SYNE1: variants seen among roughly 807,000 people sequenced by gnomAD.
The protein encoded by SYNE1 is nesprin-1.
A neutral mutation model predicts 1,111.0 loss-of-function variants in SYNE1; 616 were observed. The ratio of observed to expected loss-of-function variants is 0.55; its 90% CI spans 0.52 to 0.59. The LOEUF (loss-of-function observed/expected upper bound fraction) is 0.59. Ranked by LOEUF, SYNE1 falls within the 20% of genes least tolerant of loss-of-function variation. The probability of loss-of-function intolerance (pLI) is 0.00; values close to 1 mark genes in which losing one functional copy is unlikely to be tolerated. For synonymous variants in SYNE1, 3,855 were observed against 3,825.8 expected, an observed-to-expected ratio of 1.01 and a Z score of -0.28; for missense variants, 10,006 against 10,417.0, an observed-to-expected ratio of 0.96 and a Z score of 1.72.
intron 44 of SYNE1, among the ~76,000 whole-genome samples, chr6:152,407,418 T>C (rs1235331716): frequency 2.0e-5 from 3 of 152,220 alleles, no homozygotes; most frequent in Non-Finnish European, 4.4e-5. Context: ...TTCTGAGACA[T>C]TGCATTTTCA....
intron 73 of SYNE1, 124 bp downstream of exon 73, chr6:152,346,935 G>T: frequency 8.7e-7 from 1 of 1,146,942 alleles, no homozygotes; most frequent in Non-Finnish European, 1.2e-6. Context: ...CGTATTTCCT[G>T]TCTGGCAACA....
At chr6:152,206,068 T>C (rs2076447557) in intron 126 of SYNE1, 100 bp downstream of exon 126, 2 of 1,180,672 alleles carry the variant, frequency 1.7e-6, no homozygotes, top group Non-Finnish European at 2.5e-6. Flanking sequence ...GGGTATTATT[T>C]CATGATCTTT....
At chr6:152,468,602 T>C (rs570561211) in intron 16 of SYNE1, among the ~76,000 whole-genome samples, 182 of 152,308 alleles carry the variant, frequency 1.2e-3, no homozygotes, top group African/African-American at 4.2e-3. Context: ...CTGAGTTGGA[T>C]GTACATTCTC....
chr6:152,391,114 GA>G (rs1364879073), intron 52 of SYNE1, among the ~76,000 whole-genome samples, 162 bp downstream of exon 52: 1 of 152,050 alleles, frequency 6.6e-6, no homozygotes, highest in African/African-American at 2.4e-5. Flanking sequence ...TTACAAAGGG[GA>G]AAAATGATGC....
rs1172774290 is a variant in SYNE1 at position 152,164,172 on chromosome 6, A to G, written c.23781T>C (p.Asn7927=). ...CNSEEIQRKL[N]EQQELQRDIE... is the part of the protein sequence containing the mutation. ...CCATTTTAAGTCTTACCTGCTGCTC[A>G]TTAAGCTTTCTCTGTATTTCTTCCG... Residue 7927 remains asparagine, a synonymous_variant, in exon 131 of 146, where the codon AAT becomes AAC. Coordinates refer to ENST00000367255, the MANE Select transcript of SYNE1 (RefSeq NM_182961.4). 3.7e-6 allele frequency: 6 copies of G among 1,614,018 alleles called. No individual in the cohort carries two copies. The highest frequency in any genetic ancestry group is 1.7e-5 in the Admixed American group (1 of 60,004).
At chr6:152,500,331 C>T (rs1377811697) in intron 10 of SYNE1, among the ~76,000 whole-genome samples, 1 of 152,174 alleles carries the variant, frequency 6.6e-6, no homozygotes, top group African/African-American at 2.4e-5. Flanking sequence ...GGAGTCTTTG[C>T]TTTAGCCATT....
At chr6:152,136,523 G>T (rs2057114157) in intron 141 of SYNE1, 95 bp downstream of exon 141, 1 of 1,479,832 alleles carries the variant, frequency 6.8e-7, no homozygotes, top group Non-Finnish European at 9.3e-7. Context: ...GGGAGCAACT[G>T]CGTCCCTCTA....
intron 122 of SYNE1, among the ~76,000 whole-genome samples, chr6:152,214,031 T>C (rs907041090): frequency 1.3e-5 from 2 of 151,998 alleles, no homozygotes; most frequent in African/African-American, 4.8e-5. Context: ...TGAAACCCCA[T>C]CTCTACTAAA....
rs758629745 is a variant in SYNE1, at chr6:152,416,579, T to G, written c.5858A>C (p.Asp1953Ala). The G allele has an allele frequency of 6.2e-7, 1 of 1,614,108 alleles. No individual in the cohort carries two copies. The highest frequency in any genetic ancestry group is 1.7e-5 in the Admixed American group (1 of 60,016). Residue 1953 changes from aspartate to alanine, a missense_variant, in exon 41 of 146, where the codon GAT (aspartate) becomes GCT (alanine). Transcript: ENST00000367255. ...CCTCTCTACCTCTCCACAGAGCTGA[T>G]CAGCCGTGGCTCTGCAGGAAGTCCT... ...EQRTSCRATA[D>A]QLCGEVERIQ...
Position 152,362,307 on chromosome 6 carries a change from G to A in SYNE1, c.10162C>T (p.Leu3388Phe), listed in dbSNP as rs116883984. The A allele has an allele frequency of 2.1e-5, 34 of 1,614,218 alleles. No homozygotes were observed. The highest frequency in any genetic ancestry group is 2.8e-5 in the Non-Finnish European group (33 of 1,180,046). The change falls in exon 64 of 146, where the codon CTC becomes TTC. Residue 3388 changes from leucine to phenylalanine, a missense_variant. Physicochemically the swap from Leu to Phe is conservative, Grantham distance 22 (BLOSUM62 0). Around this residue, in one of 7 missense-constraint regions of SYNE1, gnomAD observed 4,955 missense variants for 5,017.2 expected, o/e 0.99. Coordinates refer to ENST00000367255, the MANE Select transcript of SYNE1 (RefSeq NM_182961.4). ...IRCKSQLEGA[L>F]SKWTSYQDGV... ...TCCTGATAACTTGTCCACTTGGAGAGAGCTCCTTCGAGTTGGCTGAAAGGG... is the reference window on the plus strand; with the variant it reads ...TCCTGATAACTTGTCCACTTGGAGAAAGCTCCTTCGAGTTGGCTGAAAGGG...
Position 152,385,988 on chromosome 6 carries a change from G to A in SYNE1, c.8488-150C>T. On this transcript the variant is annotated intron_variant, in intron 54 of 145. Coordinates refer to ENST00000367255, the MANE Select transcript of SYNE1 (RefSeq NM_182961.4). ...TTCTCTGAGTTTAATATCTTAAGAAGAAACTATCAAATTTAACTAAATGTC... is the reference window on the plus strand; with the variant it reads ...TTCTCTGAGTTTAATATCTTAAGAAAAAACTATCAAATTTAACTAAATGTC... 6.8e-6 allele frequency: 5 copies of A among 734,784 alleles called. No homozygotes were observed. The East Asian group carries it at 1.3e-4, about 20-fold the overall frequency. The allele number at this position is 734,784 out of a possible 1,614,324, so 45.5% of individuals were successfully genotyped here.
At chr6:152,506,274 A>T (rs1188344553) in intron 8 of SYNE1, among the ~76,000 whole-genome samples, 1 of 152,132 alleles carries the variant, frequency 6.6e-6, no homozygotes, top group African/African-American at 2.4e-5. Flanking sequence ...TGTAAAGATG[A>T]TTTTGAGCAT....
intron 3 of SYNE1, among the ~76,000 whole-genome samples, chr6:152,597,833 T>C (rs927963765): frequency 1.3e-5 from 2 of 152,232 alleles, no homozygotes; most frequent in Non-Finnish European, 2.9e-5. Flanking sequence ...TCTCCCTTTT[T>C]CTTTCGCTAT....
chr6:152,327,734 T>A (rs138079140), intron 78 of SYNE1, among the ~76,000 whole-genome samples: 33 of 152,278 alleles, frequency 2.2e-4, no homozygotes, highest in Admixed American at 3.3e-4. Context: ...CTTAGTAGAT[T>A]TAAGAGTTTG....
intron 80 of SYNE1, 32 bp downstream of exon 80, chr6:152,325,926 A>T (rs369930298): frequency 6.2e-7 from 1 of 1,613,444 alleles, no homozygotes; most frequent in East Asian, 2.2e-5. Context: ...TTATAGAAAA[A>T]GGATTTTTTT....
intron 3 of SYNE1, among the ~76,000 whole-genome samples, chr6:152,583,604 G>A (rs2099527538): frequency 6.6e-6 from 1 of 152,186 alleles, no homozygotes; most frequent in South Asian, 2.1e-4. Context: ...AAAATAGGCT[G>A]TGTCTGTTTT....
chr6:152,278,542 A>C (rs926294073), intron 97 of SYNE1, among the ~76,000 whole-genome samples: 32 of 151,728 alleles, frequency 2.1e-4, no homozygotes, highest in African/African-American at 7.0e-4. Context: ...GACTCACTGC[A>C]AGCTCCGCCT....
chr6:152,187,852 A>C (rs986394946), intron 128 of SYNE1, among the ~76,000 whole-genome samples: 13 of 151,970 alleles, frequency 8.6e-5, no homozygotes, highest in African/African-American at 3.1e-4. Context: ...CAGCCTCCCA[A>C]GTAGCTGGGA....
At chr6:152,427,399 T>C (rs1015499411) in intron 38 of SYNE1, among the ~76,000 whole-genome samples, 1 of 152,218 alleles carries the variant, frequency 6.6e-6, no homozygotes, top group Non-Finnish European at 1.5e-5. Flanking sequence ...CTACCCATCC[T>C]TTCCTCAACT....
Sources: allele counts gnomAD v4.1 joint callset (sites outside exome capture counted in the v4.1 genomes callset), GRCh38; gene constraint gnomAD v4.1.1; regional missense constraint gnomAD v4.1.1; transcripts MANE v1.5; gene names NCBI Gene and HGNC (gene_info 2026-07-23, HGNC 2026-07-21).